The following CPQ variants were observed in gnomAD, a reference collection of about 807,000 sequenced individuals.
The protein encoded by CPQ is Ser-Met dipeptidase.
Under a neutral mutation model 45.7 loss-of-function variants are expected in CPQ, and 37 were observed. The observed-to-expected ratio is 0.81, with a 90% confidence interval of 0.62 to 1.07. CPQ has a LOEUF of 1.07. CPQ is among the 50% of genes least tolerant of loss of function. The probability of loss-of-function intolerance (pLI) is 0.00; values close to 1 mark genes in which losing one functional copy is unlikely to be tolerated. For synonymous variants in CPQ, 186 were observed against 205.8 expected (o/e 0.90, Z 0.82); for missense variants, 537 against 572.9 (o/e 0.94, Z 0.64).
chr8:96,673,201 G>A (rs1809030243), intron 1 of CPQ, among the ~76,000 whole-genome samples: 1 of 152,126 alleles, frequency 6.6e-6, no homozygotes, highest in Non-Finnish European at 1.5e-5. Flanking sequence ...ATGCAGCAAC[G>A]GAAGTACAGA....
intron 2 of CPQ, among the ~76,000 whole-genome samples, chr8:96,814,013 C>T (rs570713869): frequency 6.9e-6 from 1 of 145,048 alleles, no homozygotes; most frequent in South Asian, 2.2e-4. Context: ...CATATATATA[C>T]ACACATACAT....
At chr8:96,992,126 C>A (rs1809105127) in intron 5 of CPQ, among the ~76,000 whole-genome samples, 1 of 152,150 alleles carries the variant, frequency 6.6e-6, no homozygotes, top group Admixed American at 6.5e-5. Context: ...GGCCCCTTTT[C>A]TTCTATAATT....
chr8:96,687,069 G>C (rs1809239091), intron 1 of CPQ, among the ~76,000 whole-genome samples: 1 of 152,004 alleles, frequency 6.6e-6, no homozygotes, highest in African/African-American at 2.4e-5. Flanking sequence ...GTTTTGGCGA[G>C]TTAAAGGTTT....
At chr8:96,906,888 A>G (rs1219726613) in intron 4 of CPQ, among the ~76,000 whole-genome samples, 1 of 152,190 alleles carries the variant, frequency 6.6e-6, no homozygotes, top group Non-Finnish European at 1.5e-5. Flanking sequence ...CTAGAAAGTC[A>G]AACAATAGAT....
chr8:96,645,819 G>A (rs1379908891), intron 1 of CPQ, among the ~76,000 whole-genome samples: 1 of 151,266 alleles, frequency 6.6e-6, no homozygotes, highest in African/African-American at 2.4e-5. Flanking sequence ...GCCTTATGCA[G>A]TTCTTTTGGG....
At chr8:96,892,313 T>C (rs2130890256) in intron 4 of CPQ, among the ~76,000 whole-genome samples, 1 of 152,324 alleles carries the variant, frequency 6.6e-6, no homozygotes, top group South Asian at 2.1e-4. Context: ...TGTACAGAAA[T>C]GCAGTTTTGC....
At chr8:96,747,484 T>G (rs533471687) in intron 1 of CPQ, among the ~76,000 whole-genome samples, 14 of 152,148 alleles carry the variant, frequency 9.2e-5, no homozygotes, top group Non-Finnish European at 1.9e-4. Context: ...GAAAAATTTT[T>G]GCTTTCAAAA....
At chr8:96,676,880 T>G (rs754293133) in intron 1 of CPQ, among the ~76,000 whole-genome samples, 1 of 152,014 alleles carries the variant, frequency 6.6e-6, no homozygotes, top group African/African-American at 2.4e-5. Flanking sequence ...CTTATGCCTT[T>G]GCATCCTCAT....
intron 2 of CPQ, among the ~76,000 whole-genome samples, chr8:96,797,143 C>T (rs865840208): frequency 1.3e-5 from 2 of 152,172 alleles, no homozygotes; most frequent in Middle Eastern, 3.2e-3. Context: ...CACAATGGTG[C>T]TTGTCTCTGA....
At chr8:96,657,918 A>G (rs1815656248) in intron 1 of CPQ, among the ~76,000 whole-genome samples, 1 of 152,196 alleles carries the variant, frequency 6.6e-6, no homozygotes, top group African/African-American at 2.4e-5. Flanking sequence ...TTGTGCCCAG[A>G]GCATCATTTT....
chr8:96,804,470 C>G (rs1007433028), intron 2 of CPQ, among the ~76,000 whole-genome samples: 12 of 151,652 alleles, frequency 7.9e-5, no homozygotes, highest in African/African-American at 2.9e-4. Flanking sequence ...TCTGAACTAT[C>G]TAGGGTTAGT....
At chr8:96,915,674 G>A (rs970672594) in intron 4 of CPQ, among the ~76,000 whole-genome samples, 5 of 152,048 alleles carry the variant, frequency 3.3e-5, no homozygotes, top group Non-Finnish European at 5.9e-5. Context: ...TGAGGGTCAC[G>A]TATCCCTGCT....
chr8:97,099,965 A>G (rs529925875), intron 7 of CPQ, among the ~76,000 whole-genome samples: 2 of 152,312 alleles, frequency 1.3e-5, no homozygotes, highest in Middle Eastern at 3.4e-3. Flanking sequence ...TTAACTAGCT[A>G]TGTACCTCTA....
intron 1 of CPQ, among the ~76,000 whole-genome samples, chr8:96,742,860 G>A (rs1810114925): frequency 6.6e-6 from 1 of 151,740 alleles, no homozygotes; most frequent in Non-Finnish European, 1.5e-5. Flanking sequence ...TAGTCTGATG[G>A]GCTTCCCTTT....
intron 7 of CPQ, among the ~76,000 whole-genome samples, chr8:97,089,180 T>A (rs1811089189): frequency 6.7e-6 from 1 of 148,196 alleles, no homozygotes; most frequent in Non-Finnish European, 1.5e-5. Context: ...GAGGCGGAGG[T>A]TGTGGTGAGC....
At chr8:97,092,641 T>C (rs1586537451) in intron 7 of CPQ, 1 of 152,140 alleles carries the variant, frequency 6.6e-6, no homozygotes, top group African/African-American at 2.4e-5. Context: ...GAAACTGGAC[T>C]CCTTCCTCTC....
intron 7 of CPQ, among the ~76,000 whole-genome samples, chr8:97,142,724 C>T (rs1812188367): frequency 6.6e-6 from 1 of 152,102 alleles, no homozygotes; most frequent in Admixed American, 6.5e-5. Flanking sequence ...GGCTTTTTGC[C>T]CCATGCAGCT....
intron 6 of CPQ, among the ~76,000 whole-genome samples, chr8:97,031,547 G>A (rs955249421): frequency 1.3e-5 from 2 of 152,096 alleles, no homozygotes; most frequent in Non-Finnish European, 2.9e-5. Flanking sequence ...AATTGATCTG[G>A]CTAAAAATTT....
intron 1 of CPQ, among the ~76,000 whole-genome samples, chr8:96,705,720 A>G (rs1260696232): frequency 6.6e-6 from 1 of 151,952 alleles, no homozygotes; most frequent in Non-Finnish European, 1.5e-5. Context: ...TCTCTTGACT[A>G]TCTGTTTCCC....
Sources: gnomAD v4.1 joint callset for allele counts (sites outside exome capture counted in the v4.1 genomes callset) on GRCh38, gnomAD v4.1.1 for gene constraint, MANE v1.5 for transcripts, NCBI Gene and HGNC (gene_info 2026-07-23, HGNC 2026-07-21) for gene names.